FBXO8: variants seen among roughly 807,000 people sequenced by gnomAD.
FBXO8 encodes the protein F-box protein 8.
FBXO8 carries 15 observed loss-of-function variants against 33.4 expected under a neutral mutation model. The observed-to-expected ratio is 0.45, with a 90% CI of 0.30 to 0.69. The LOEUF (loss-of-function observed/expected upper bound fraction) is 0.69. FBXO8 is among the 30% of genes least tolerant of loss of function. The pLI is 0.08. For missense variants in FBXO8, 274 were observed against 380.3 expected, an observed-to-expected ratio of 0.72 and a Z score of 2.32; for synonymous variants, 132 against 131.5, an observed-to-expected ratio of 1.00 and a Z score of -0.02.
chr4:174,238,752 T>C (rs180913692), intron 5 of FBXO8, among the ~76,000 whole-genome samples: 7 of 128,874 alleles, frequency 5.4e-5, no homozygotes, highest in African/African-American at 1.4e-4. Flanking sequence ...TATATATACA[T>C]AGCCATGTAT....
chr4:174,265,266 ATT>A lies in FBXO8; in HGVS notation c.-8-2168_-8-2167del, dbSNP rs1385499928. Among the ~76,000 whole-genome samples, 3 of 135,732 alleles carry A rather than the reference ATT, an allele frequency of 2.2e-5. No individual in the cohort carries two copies. The highest frequency in any genetic ancestry group is 5.4e-5 in the African/African-American group (2 of 37,232). 89.0% of individuals were successfully genotyped at this position (135,732 alleles called of 152,430 possible). A position where few individuals can be genotyped will look rare whatever the true frequency, so the allele number is the denominator to read the frequency against. ...AGCTTTTTATTTAGGTATTTACCTA[ATT>A]AAAAGCTTTTTATTTAGGTATTTAC... On this transcript the variant is annotated intron_variant, in intron 1 of 5. Coordinates refer to ENST00000393674, the MANE Select transcript of FBXO8 (RefSeq NM_012180.3). The surrounding 1 kb of genome is among the most constrained non-coding windows in gnomAD (Gnocchi z 4.7).
Position 174,263,907 on chromosome 4 carries a change from T to C in FBXO8, c.-8-807A>G, listed in dbSNP as rs1736629190. ...ATTCTACATTTGTCTGTCACATATATTGACTTCCTCATGTACAAATGTATT... is the reference window on the plus strand; with the variant it reads ...ATTCTACATTTGTCTGTCACATATACTGACTTCCTCATGTACAAATGTATT... On this transcript the variant is annotated intron_variant, in intron 1 of 5. Coordinates refer to ENST00000393674, the MANE Select transcript of FBXO8 (RefSeq NM_012180.3). The surrounding 1 kb of genome is among the most constrained non-coding windows in gnomAD (Gnocchi z 4.2). 1.3e-5 allele frequency among the ~76,000 whole-genome samples: 2 copies of C among 152,144 alleles called. No homozygotes were observed. The highest frequency in any genetic ancestry group is 1.3e-4 in the Admixed American group (2 of 15,278).
chr4:174,282,324 T>C (rs947312960), intron 1 of FBXO8, among the ~76,000 whole-genome samples: 1 of 152,198 alleles, frequency 6.6e-6, no homozygotes, highest in Non-Finnish European at 1.5e-5. Flanking sequence ...TATTATTAAA[T>C]GAAGTTACGC....
intron 3 of FBXO8, among the ~76,000 whole-genome samples, chr4:174,242,723 G>C (rs1248168486): frequency 6.6e-6 from 1 of 151,484 alleles, no homozygotes; most frequent in East Asian, 1.9e-4. Flanking sequence ...AACTGTCCGA[G>C]GGGGCAGCAA....
chr4:174,279,148 C>A (rs938014389), intron 1 of FBXO8, among the ~76,000 whole-genome samples: 6 of 151,954 alleles, frequency 3.9e-5, no homozygotes, highest in Non-Finnish European at 7.4e-5. Flanking sequence ...CAAAAACTTA[C>A]AACTAATAAA....
chr4:174,254,934 T>C lies in FBXO8; in HGVS notation c.456+4765A>G, dbSNP rs1033915510. Among the ~76,000 whole-genome samples the C allele has an allele frequency of 1.3e-5, 2 of 152,150 alleles. No homozygotes were observed. Among genetic ancestry groups the C allele is most frequent in the Non-Finnish European group, 2.9e-5 (2 of 67,982 alleles). On this transcript the variant is annotated intron_variant, in intron 3 of 5. Coordinates refer to ENST00000393674, the MANE Select transcript of FBXO8 (RefSeq NM_012180.3). The surrounding 1 kb of genome is among the most constrained non-coding windows in gnomAD (Gnocchi z 4.2). ...CTATACTAGGTTATTTCAAAATGTA[T>C]TCCCTGGAATGTTTTTACCTTCCTC... is the stretch of plus-strand genomic sequence containing the variant.
In FBXO8 at chr4:174,237,319, A is replaced by T; in HGVS notation, c.*93T>A. 9.9e-7 allele frequency: 1 copy of T among 1,011,276 alleles called. No homozygotes were observed. The highest frequency in any genetic ancestry group is 1.4e-6 in the Non-Finnish European group (1 of 694,002). 62.6% of individuals were successfully genotyped at this position (1,011,276 alleles called of 1,614,324 possible). On this transcript the variant is annotated 3_prime_UTR_variant, in exon 6 of 6. Coordinates refer to ENST00000393674, the MANE Select transcript of FBXO8 (RefSeq NM_012180.3). This position sits in a 1 kb window ranked among gnomAD's most constrained non-coding sequence, Gnocchi z 4.4. ...TGAAGCTTGATTGTATACTCAGGCT[A>T]CAATGACCAGCACTGATGTAACCCC...
rs1736988478 is a variant in FBXO8 at position 174,277,622 on chromosome 4, C to T, written c.-9+5788G>A. Among the ~76,000 whole-genome samples the T allele has an allele frequency of 6.6e-6, 1 of 152,100 alleles. No homozygotes were observed. The highest frequency in any genetic ancestry group is 2.4e-5 in the African/African-American group (1 of 41,434). On this transcript the variant is annotated intron_variant, in intron 1 of 5. Transcript: ENST00000393674. This position sits in a 1 kb window ranked among gnomAD's most constrained non-coding sequence, Gnocchi z 4.9. Reference sequence around the variant, plus strand: ...GCAAACCAATTCCATAAAGCTTTTACTGAGCAAACGGTGTTAAATCATTGG... The same window carrying T: ...GCAAACCAATTCCATAAAGCTTTTATTGAGCAAACGGTGTTAAATCATTGG...
intron 4 of FBXO8, 75 bp from the exon 5 acceptor site, chr4:174,239,265 T>C: frequency 9.0e-7 from 1 of 1,110,252 alleles, no homozygotes; most frequent in Non-Finnish European, 1.2e-6. Flanking sequence ...ATAACAAATT[T>C]CCATTTTTTG....
rs1736916981 is a variant in FBXO8 at position 174,274,623 on chromosome 4, A to G, written c.-9+8787T>C. On this transcript the variant is annotated intron_variant, in intron 1 of 5. Transcript: ENST00000393674. The surrounding 1 kb of genome is among the most constrained non-coding windows in gnomAD (Gnocchi z 4.0). The stretch of plus-strand genomic sequence containing the variant: ...AAATGATGACTGTAAGTACTAAAAT[A>G]AGGAACTGACTCCACACAATAGGTT... 6.6e-6 allele frequency among the ~76,000 whole-genome samples: 1 copy of G among 152,254 alleles called. No individual in the cohort carries two copies. Among genetic ancestry groups the G allele is most frequent in the African/African-American group, 2.4e-5 (1 of 41,466 alleles).
chr4:174,280,884 A>G (rs975025010), intron 1 of FBXO8, among the ~76,000 whole-genome samples: 5 of 152,186 alleles, frequency 3.3e-5, no homozygotes, highest in Admixed American at 1.3e-4. Flanking sequence ...GGGGAAGGGG[A>G]ATTATTGTTT....
In FBXO8 at chr4:174,236,751, A is replaced by T. The variant is rs1735895705; in HGVS notation, c.*661T>A. 6.6e-6 allele frequency: 1 copy of T among 152,180 alleles called. No individual in the cohort carries two copies. 9.4% of individuals were successfully genotyped at this position (152,180 alleles called of 1,614,324 possible). ...AAATCCTAAATGGTTTAAAGGACTT[A>T]CCGAGACTTGATTAACCCAGTTTTT... On this transcript the variant is annotated 3_prime_UTR_variant, in exon 6 of 6. Coordinates refer to ENST00000393674, the MANE Select transcript of FBXO8 (RefSeq NM_012180.3).
At chr4:174,246,549 A>G (rs768501619) in intron 3 of FBXO8, among the ~76,000 whole-genome samples, 1 of 151,876 alleles carries the variant, frequency 6.6e-6, no homozygotes, top group Non-Finnish European at 1.5e-5. Context: ...ATATTAGTAC[A>G]AAGGAGGAAA....
At position 174,263,130 on chromosome 4, in the gene FBXO8, G is replaced by A. The variant is rs1341642739; in HGVS notation, c.-8-30C>T. On this transcript the variant is annotated intron_variant, in intron 1 of 5. Transcript: ENST00000393674. The surrounding 1 kb of genome is among the most constrained non-coding windows in gnomAD (Gnocchi z 4.2). ...GAAAAAGCCAGAATGTAATAAGGGTGACATTTAAAAAGTAACCCATTTTTC... is the reference window on the plus strand; with the variant it reads ...GAAAAAGCCAGAATGTAATAAGGGTAACATTTAAAAAGTAACCCATTTTTC... 4 of 1,573,858 alleles carry A rather than the reference G, an allele frequency of 2.5e-6. No homozygotes were observed. The highest frequency in any genetic ancestry group is 3.5e-6 in the Non-Finnish European group (4 of 1,152,154).
intron 1 of FBXO8, among the ~76,000 whole-genome samples, chr4:174,279,066 G>GA (rs1560877113): frequency 6.6e-6 from 1 of 151,380 alleles, no homozygotes; most frequent in South Asian, 2.1e-4. Flanking sequence ...AATTAGACAA[G>GA]AAAAAAAGTA....
In FBXO8 at chr4:174,237,306, G is replaced by T; in HGVS notation, c.*106C>A. ...AAAGGTTGCACACTGAAGCTTGATT[G>T]TATACTCAGGCTACAATGACCAGCA... On this transcript the variant is annotated 3_prime_UTR_variant, in exon 6 of 6. Coordinates refer to ENST00000393674, the MANE Select transcript of FBXO8 (RefSeq NM_012180.3). The surrounding 1 kb of genome is among the most constrained non-coding windows in gnomAD (Gnocchi z 4.4). 1 of 859,476 alleles carries T rather than the reference G, an allele frequency of 1.2e-6. No individual in the cohort carries two copies. The highest frequency in any genetic ancestry group is 1.8e-6 in the Non-Finnish European group (1 of 569,340). The allele number at this position is 859,476 out of a possible 1,614,324, so 53.2% of individuals were successfully genotyped here.
rs1271656025 is a variant in FBXO8, at chr4:174,278,612, T to G, written c.-9+4798A>C. 6.6e-6 allele frequency among the ~76,000 whole-genome samples: 1 copy of G among 152,080 alleles called. No homozygotes were observed. Among genetic ancestry groups the G allele is most frequent in the African/African-American group, 2.4e-5 (1 of 41,438 alleles). On this transcript the variant is annotated intron_variant, in intron 1 of 5. Transcript: ENST00000393674. This position sits in a 1 kb window ranked among gnomAD's most constrained non-coding sequence, Gnocchi z 4.1. Reference sequence around the variant, plus strand: ...TTTAATTATATGGTTCTTACTTAATTGTATCACTATTTACTTAAAGTGGCT... The same window carrying G: ...TTTAATTATATGGTTCTTACTTAATGGTATCACTATTTACTTAAAGTGGCT...
chr4:174,241,498 C>T lies in FBXO8; in HGVS notation c.457-280G>A, dbSNP rs7681841. Among the ~76,000 whole-genome samples the T allele has an allele frequency of 0.1, 15,168 of 151,406 alleles. 818 individuals are homozygous for T. The highest frequency in any genetic ancestry group is 0.12 in the Middle Eastern group (35 of 292). ...AGGTAAAACTAACTATACAGAAATA[C>T]GGCCTAATTTGGGGAAGGGGGCTGC... On this transcript the variant is annotated intron_variant, in intron 3 of 5. Transcript: ENST00000393674. The surrounding 1 kb of genome is among the most constrained non-coding windows in gnomAD (Gnocchi z 4.2).
intron 3 of FBXO8, among the ~76,000 whole-genome samples, chr4:174,258,892 TG>T (rs1313931819): frequency 6.6e-6 from 1 of 151,824 alleles, no homozygotes; most frequent in East Asian, 1.9e-4. Context: ...CGACAACAAA[TG>T]AAAAAAAGTT....
Sources: gnomAD v4.1 joint callset for allele counts (sites outside exome capture counted in the v4.1 genomes callset) on GRCh38, gnomAD v4.1.1 for gene constraint, Gnocchi (gnomAD v3.1) non-coding constraint, MANE v1.5 for transcripts, NCBI Gene and HGNC (gene_info 2026-07-23, HGNC 2026-07-21) for gene names.